DDX31: variants seen among roughly 807,000 people sequenced by gnomAD.
The protein encoded by DDX31 is DEAD-box helicase 31.
DDX31 carries 70 observed loss-of-function variants against 91.3 expected under a neutral mutation model. That is an observed-to-expected ratio of 0.77 (90% CI 0.63 to 0.94). The LOEUF (loss-of-function observed/expected upper bound fraction) is 0.94. Among genes scored for constraint, DDX31 ranks in the 40% least tolerant of loss-of-function variants. The probability of loss-of-function intolerance (pLI) is 0.00; values close to 1 mark genes in which losing one functional copy is unlikely to be tolerated. For synonymous variants in DDX31, 362 were observed against 350.6 expected (o/e 1.03, Z -0.36); for missense variants, 902 against 925.0 (o/e 0.98, Z 0.32).
At chr9:132,624,348 A>G (rs1832259462) in intron 17 of DDX31, among the ~76,000 whole-genome samples, 2 of 152,126 alleles carry the variant, frequency 1.3e-5, no homozygotes, top group South Asian at 2.1e-4. Flanking sequence ...TCTTATATGA[A>G]GTACTGACTT....
chr9:132,658,670 C>T lies in DDX31; in HGVS notation c.588+1G>A, dbSNP rs770031706. 18 of 1,613,432 alleles carry T rather than the reference C, an allele frequency of 1.1e-5. No homozygotes were observed. Among genetic ancestry groups the T allele is most frequent in the South Asian group, 3.3e-5 (3 of 90,986 alleles). ...GACAGAAAAACACATTTGATACACA[C>T]CTGTATTTTTGACTCCATTGCTTGA... On this transcript the variant is annotated splice_donor_variant, in intron 6 of 19. Transcript: ENST00000372159. LOFTEE classifies it high-confidence loss of function.
At position 132,630,492 on chromosome 9, in the gene DDX31, T is replaced by A. The variant is rs1299829247; in HGVS notation, c.1492-89A>T. ...AATACTCCTCACCTGCCTCCAGGTATCCCAAGAATTAAATCCTGGTGCTAT... is the reference window on the plus strand; with the variant it reads ...AATACTCCTCACCTGCCTCCAGGTAACCCAAGAATTAAATCCTGGTGCTAT... On this transcript the variant is annotated intron_variant, in intron 15 of 19. Transcript: ENST00000372159. 6.1e-6 allele frequency: 8 copies of A among 1,303,400 alleles called. No individual in the cohort carries two copies. In the East Asian group the frequency reaches 2.0e-4, roughly 32 times the overall value. 80.7% of individuals were successfully genotyped at this position (1,303,400 alleles called of 1,614,324 possible).
At chr9:132,656,423 C>T (rs997233567) in intron 6 of DDX31, among the ~76,000 whole-genome samples, 2 of 152,180 alleles carry the variant, frequency 1.3e-5, no homozygotes. Flanking sequence ...CAAATCACTG[C>T]CCCTCCAACT....
chr9:132,630,237 G>A lies in DDX31; in HGVS notation c.1631+27C>T, dbSNP rs181254770. The A allele has an allele frequency of 2.1e-4, 330 of 1,559,250 alleles. 1 individual carries two copies. The African/African-American group carries it at 4.0e-3, about 19-fold the overall frequency. On this transcript the variant is annotated intron_variant, in intron 16 of 19. Coordinates refer to ENST00000372159, the MANE Select transcript of DDX31 (RefSeq NM_022779.9). The stretch of plus-strand genomic sequence containing the variant: ...GAAAGTTAATTAGGTGAGACCAGCC[G>A]AAACCCCATTCAGGTTTCTGACTCA...
At chr9:132,639,168 TC>T (rs1423879264) in intron 14 of DDX31, among the ~76,000 whole-genome samples, 3 of 151,972 alleles carry the variant, frequency 2.0e-5, no homozygotes, top group Non-Finnish European at 4.4e-5. Flanking sequence ...AGCGTGTGTG[TC>T]CCACTCGCCC....
chr9:132,651,053 T>C (rs780857595), intron 8 of DDX31, 22 bp downstream of exon 8: 1 of 1,602,136 alleles, frequency 6.2e-7, no homozygotes, highest in Admixed American at 1.7e-5. Context: ...CAAGATGAAA[T>C]GGAACTCATG....
At chr9:132,655,682 AC>A (rs1273961537) in intron 6 of DDX31, among the ~76,000 whole-genome samples, 5 of 152,218 alleles carry the variant, frequency 3.3e-5, no homozygotes, top group African/African-American at 1.2e-4. Flanking sequence ...AATAAAAAAA[AC>A]AGAAGAAACC....
At chr9:132,643,201 TTAGGTTAAATTCC>T (rs941890190) in intron 13 of DDX31, among the ~76,000 whole-genome samples, 3 of 152,114 alleles carry the variant, frequency 2.0e-5, no homozygotes, top group Non-Finnish European at 4.4e-5. Context: ...AATTACTCCC[TTAGGTTAAATTCC>T]TAGAAACAGA....
chr9:132,646,136 T>C, intron 12 of DDX31, 65 bp from the exon 13 acceptor site: 1 of 1,530,298 alleles, frequency 6.5e-7, no homozygotes, highest in Non-Finnish European at 8.9e-7. Flanking sequence ...AAAACGAATA[T>C]TTCTCTAAAC....
At chr9:132,617,058 A>T (rs560218228) in intron 18 of DDX31, among the ~76,000 whole-genome samples, 1 of 152,204 alleles carries the variant, frequency 6.6e-6, no homozygotes, top group African/African-American at 2.4e-5. Flanking sequence ...CCTAAGTCAG[A>T]TCCCACACTT....
chr9:132,669,527 T>C, intron 1 of DDX31: 7 of 1,380,704 alleles, frequency 5.1e-6, no homozygotes, highest in Non-Finnish European at 6.7e-6. Context: ...CTTAGAGAAG[T>C]TAAGCTTTGG....
rs368332371 is a variant in DDX31 at position 132,651,088 on chromosome 9, T to C, written c.662A>G (p.Gln221Arg). The change falls in exon 8 of 20, where the codon CAG becomes CGG. Residue 221 changes from glutamine (Q) to arginine (R), a missense_variant. Physicochemically the swap from Gln to Arg is conservative, Grantham distance 43. Transcript: ENST00000372159. ...ELALQSFDTV[Q>R]KLLKPFTWIV... ...GGTTTGCCTTACCTTAAGCAGTTTCTGGACAGTGTCAAAGCTTTGTAGAGC... is the reference window on the plus strand; with the variant it reads ...GGTTTGCCTTACCTTAAGCAGTTTCCGGACAGTGTCAAAGCTTTGTAGAGC... The C allele has an allele frequency of 1.2e-6, 2 of 1,612,804 alleles. No homozygotes were observed. The highest frequency in any genetic ancestry group is 2.2e-5 in the East Asian group (1 of 44,866).
chr9:132,627,161 A>C (rs2130632417), intron 16 of DDX31, among the ~76,000 whole-genome samples: 1 of 152,352 alleles, frequency 6.6e-6, no homozygotes, highest in Non-Finnish European at 1.5e-5. Context: ...TTTGGAGTCA[A>C]ATCTTGAAGC....
In DDX31 at chr9:132,593,069, GTTTC is replaced by G. The variant is rs1487504886; in HGVS notation, c.*1793_*1796del. 4 of 152,162 alleles carry G rather than the reference GTTTC, an allele frequency of 2.6e-5. No individual in the cohort carries two copies. Among genetic ancestry groups the G allele is most frequent in the Non-Finnish European group, 4.4e-5 (3 of 68,024 alleles). 9.4% of individuals were successfully genotyped at this position (152,162 alleles called of 1,614,324 possible). On this transcript the variant is annotated 3_prime_UTR_variant, in exon 20 of 20. Transcript: ENST00000372159. ...TTAACCTTAAATCTGCTAAATCCATGTTTCTTTATTAACTGGGGTAATATAGTGA... is the reference window on the plus strand; with the variant it reads ...TTAACCTTAAATCTGCTAAATCCATGTTTATTAACTGGGGTAATATAGTGA...
chr9:132,653,754 G>A (rs1043456816), intron 6 of DDX31, among the ~76,000 whole-genome samples: 2 of 151,728 alleles, frequency 1.3e-5, no homozygotes, highest in Non-Finnish European at 2.9e-5. Flanking sequence ...CTCCATAAAC[G>A]TAATGTGATG....
chr9:132,663,106 G>C (rs1835086090), intron 1 of DDX31: 1 of 1,150,144 alleles, frequency 8.7e-7, no homozygotes, highest in South Asian at 1.3e-5. Flanking sequence ...AAGAGGGGTG[G>C]GGGAAAACGA....
intron 16 of DDX31, 127 bp downstream of exon 16, chr9:132,630,136 TG>T: frequency 1.9e-6 from 2 of 1,063,004 alleles, no homozygotes; most frequent in Non-Finnish European, 2.6e-6. Context: ...CTGGCTATTC[TG>T]GGACTCATTT....
intron 19 of DDX31, among the ~76,000 whole-genome samples, chr9:132,607,971 CAGAT>C (rs1164410564): frequency 3.9e-5 from 6 of 152,200 alleles, no homozygotes; most frequent in Non-Finnish European, 8.8e-5. Flanking sequence ...ACGACCTAGA[CAGAT>C]AGACACCTGG....
chr9:132,618,529 A>ATC, intron 17 of DDX31, 88 bp from the exon 18 acceptor site: 1 of 1,127,018 alleles, frequency 8.9e-7, no homozygotes, highest in Non-Finnish European at 1.3e-6. Flanking sequence ...TAACAGTAAA[A>ATC]TCACACAGTA....
Sources: gnomAD v4.1 joint callset for allele counts (sites outside exome capture counted in the v4.1 genomes callset) on GRCh38, gnomAD v4.1.1 for gene constraint, MANE v1.5 for transcripts, NCBI Gene and HGNC (gene_info 2026-07-23, HGNC 2026-07-21) for gene names.